Variants in FGF12 observed in about 807,000 individuals in gnomAD.
The protein encoded by FGF12 is fibroblast growth factor 12B.
In FGF12, 14 loss-of-function variants were observed where a neutral mutation model predicts 23.6. The observed-to-expected ratio is 0.59, with a 90% CI of 0.39 to 0.93. The LOEUF is 0.93. FGF12 is among the 40% of genes least tolerant of loss of function. FGF12 has a pLI of 0.00. For missense variants in FGF12, 175 were observed against 217.8 expected (o/e 0.80, Z 1.24); for synonymous variants, 62 against 77.3 (o/e 0.80, Z 1.04).
intron 5 of FGF12, 144 bp downstream of exon 5, chr3:192,170,314 A>G (rs2108618362): frequency 1.6e-6 from 1 of 640,636 alleles, no homozygotes; most frequent in East Asian, 2.8e-5. Context: ...AAGAGATACT[A>G]TTGTGTTCTC....
chr3:192,283,165 A>G (rs1714250645), intron 4 of FGF12: 1 of 152,108 alleles, frequency 6.6e-6, no homozygotes, highest in Non-Finnish European at 1.5e-5. Context: ...CATATTTTTG[A>G]ATGTTATCTA....
At chr3:192,515,419 A>C (rs919262654) in intron 2 of FGF12, 1 of 152,940 alleles carries the variant, frequency 6.5e-6, no homozygotes, top group African/African-American at 2.4e-5. Flanking sequence ...GGTGCCGGCT[A>C]TGAGAAGTCA....
chr3:192,435,500 T>C (rs574227349), intron 2 of FGF12, among the ~76,000 whole-genome samples: 1 of 152,194 alleles, frequency 6.6e-6, no homozygotes, highest in African/African-American at 2.4e-5. Context: ...TTTCGGGAAG[T>C]TGGCGATCCA....
At chr3:192,663,592 T>C (rs1205732241) in intron 2 of FGF12, among the ~76,000 whole-genome samples, 1 of 152,170 alleles carries the variant, frequency 6.6e-6, no homozygotes, top group African/African-American at 2.4e-5. Flanking sequence ...AGTTTATAGC[T>C]TTCCTGATTT....
At chr3:192,534,657 G>A (rs1725183565) in intron 2 of FGF12, among the ~76,000 whole-genome samples, 1 of 152,144 alleles carries the variant, frequency 6.6e-6, no homozygotes, top group South Asian at 2.1e-4. Context: ...CTCCCAAAGT[G>A]CTGGGATTAC....
chr3:192,551,291 A>C (rs988400659), intron 2 of FGF12, among the ~76,000 whole-genome samples: 1 of 152,222 alleles, frequency 6.6e-6, no homozygotes, highest in Admixed American at 6.5e-5. Flanking sequence ...CACAGATCAG[A>C]GTTTCGGGCT....
intron 2 of FGF12, among the ~76,000 whole-genome samples, chr3:192,697,782 C>T (rs549268597): frequency 3.3e-5 from 5 of 152,286 alleles, no homozygotes; most frequent in African/African-American, 9.6e-5. Context: ...GCCAAGCACA[C>T]GACTCCTTAG....
intron 4 of FGF12, among the ~76,000 whole-genome samples, chr3:192,313,339 T>C (rs1053572485): frequency 1.3e-5 from 2 of 152,224 alleles, no homozygotes; most frequent in African/African-American, 4.8e-5. Context: ...TTTTCAGGAA[T>C]AGCTATATTG....
intron 2 of FGF12, among the ~76,000 whole-genome samples, chr3:192,662,777 A>G (rs1461451835): frequency 6.6e-6 from 1 of 152,184 alleles, no homozygotes; most frequent in Non-Finnish European, 1.5e-5. Context: ...TTTGAGTCAG[A>G]GTCTTATTGA....
chr3:192,308,126 T>C (rs899324789), intron 4 of FGF12, among the ~76,000 whole-genome samples: 5 of 152,152 alleles, frequency 3.3e-5, no homozygotes, highest in African/African-American at 1.2e-4. Context: ...GTTGAGATGA[T>C]AAATTAGCAG....
intron 4 of FGF12, among the ~76,000 whole-genome samples, chr3:192,204,190 C>T (rs1717523890): frequency 6.6e-6 from 1 of 152,030 alleles, no homozygotes; most frequent in African/African-American, 2.4e-5. Flanking sequence ...GTCTTTTAGC[C>T]CCACACACGG....
chr3:192,640,802 T>A (rs1715767130), intron 2 of FGF12, among the ~76,000 whole-genome samples: 1 of 32,866 alleles, frequency 3.0e-5, no homozygotes, highest in African/African-American at 9.6e-5. Context: ...TTTTTTTGTT[T>A]GTTTGTTTGT....
chr3:192,508,151 G>T (rs1473527149), intron 2 of FGF12, among the ~76,000 whole-genome samples: 2 of 152,198 alleles, frequency 1.3e-5, no homozygotes, highest in Non-Finnish European at 2.9e-5. Flanking sequence ...CAACTGCAAT[G>T]CTATCGTTTC....
In FGF12 at chr3:192,139,697, A is replaced by G. The variant is rs1027240148; in HGVS notation, c.*4312T>C. 6.6e-6 allele frequency: 1 copy of G among 152,064 alleles called. No homozygotes were observed. The highest frequency in any genetic ancestry group is 1.5e-5 in the Non-Finnish European group (1 of 67,970). 9.4% of individuals were successfully genotyped at this position (152,064 alleles called of 1,614,324 possible). ...ATTACATTATTTTAAGGCTATTATC[A>G]TAATGTTAAATATTCTTATTTTTTT... On this transcript the variant is annotated 3_prime_UTR_variant, in exon 6 of 6. Transcript: ENST00000445105.
chr3:192,719,367 T>A (rs1718962094), intron 2 of FGF12, among the ~76,000 whole-genome samples: 1 of 152,196 alleles, frequency 6.6e-6, no homozygotes, highest in African/African-American at 2.4e-5. Context: ...GTTGTCTCCT[T>A]CATGTTTACG....
At chr3:192,398,022 GTTC>G (rs1400672467) in intron 2 of FGF12, among the ~76,000 whole-genome samples, 1 of 151,788 alleles carries the variant, frequency 6.6e-6, no homozygotes, top group Non-Finnish European at 1.5e-5. Context: ...CGGGTTTATA[GTTC>G]TTCTTTCATG....
chr3:192,445,852 A>G (rs1471869640), intron 2 of FGF12, among the ~76,000 whole-genome samples: 1 of 152,190 alleles, frequency 6.6e-6, no homozygotes, highest in East Asian at 1.9e-4. Context: ...TGCCACCAGT[A>G]GAACAGAGTT....
chr3:192,277,817 C>CAGT (rs1274116857), intron 4 of FGF12, among the ~76,000 whole-genome samples: 4 of 152,194 alleles, frequency 2.6e-5, no homozygotes, highest in Non-Finnish European at 4.4e-5. Context: ...GGCTGGAGTG[C>CAGT]AGTGGTGCGA....
intron 2 of FGF12, among the ~76,000 whole-genome samples, chr3:192,718,082 A>C (rs1718916386): frequency 6.6e-6 from 1 of 152,030 alleles, no homozygotes; most frequent in Non-Finnish European, 1.5e-5. Context: ...TTGAGAACTA[A>C]AGAAAATCAG....
Sources: gnomAD v4.1 joint callset for allele counts (sites outside exome capture counted in the v4.1 genomes callset) on GRCh38, gnomAD v4.1.1 for gene constraint, MANE v1.5 for transcripts, NCBI Gene and HGNC (gene_info 2026-07-23, HGNC 2026-07-21) for gene names.